The following DYRK4 variants were observed in gnomAD, a reference collection of about 807,000 sequenced individuals.
DYRK4 encodes dual specificity tyrosine-phosphorylation-regulated kinase 4.
In DYRK4, 64 loss-of-function variants were observed where a neutral mutation model predicts 68.3. The ratio of observed to expected loss-of-function variants is 0.94; its 90% CI spans 0.77 to 1.15. The LOEUF is 1.15. Among genes scored for constraint, DYRK4 ranks in the 50% most tolerant of loss-of-function variants. The pLI is 0.00. For missense variants in DYRK4, 740 were observed against 764.7 expected (o/e 0.97, Z 0.38); for synonymous variants, 274 against 289.9 (o/e 0.95, Z 0.56).
At chr12:4,582,871 G>A (rs1253106893) in intron 2 of DYRK4, among the ~76,000 whole-genome samples, 1 of 152,166 alleles carries the variant, frequency 6.6e-6, no homozygotes, top group Non-Finnish European at 1.5e-5. Context: ...TGTGAGCCAG[G>A]ACTTCTGCTC....
chr12:4,608,169 C>G (rs1423687325), intron 12 of DYRK4, among the ~76,000 whole-genome samples: 1 of 152,144 alleles, frequency 6.6e-6, no homozygotes, highest in Non-Finnish European at 1.5e-5. Context: ...AGCTAAGAGT[C>G]CCAGATAGAA....
At position 4,596,273 on chromosome 12, in the gene DYRK4, G is replaced by A; in HGVS notation, c.752G>A (p.Arg251Lys). 6.2e-7 allele frequency: 1 copy of A among 1,614,160 alleles called. No homozygotes were observed. The highest frequency in any genetic ancestry group is 8.5e-7 in the Non-Finnish European group (1 of 1,180,044). ...GAGCTGGTGGCCCTGAAAATCATCAGGAACAAGAAGAGGTGTGGCTTGGGG... is the reference window on the plus strand; with the variant it reads ...GAGCTGGTGGCCCTGAAAATCATCAAGAACAAGAAGAGGTGTGGCTTGGGG... ...NNELVALKII[R>K]NKKRFHQQAL... The change falls in exon 7 of 15, where the codon AGG becomes AAG. Residue 251 changes from arginine to lysine, a missense_variant. Arg to Lys is a conservative substitution (Grantham distance 26, BLOSUM62 2). Around this residue, in one of 3 missense-constraint regions of DYRK4, gnomAD observed 614 missense variants for 603.7 expected, o/e 1.02. Transcript: ENST00000543431.
At chr12:4,596,080 C>T (rs1591800902) in intron 6 of DYRK4, 69 bp from the exon 7 acceptor site, 2 of 1,549,850 alleles carry the variant, frequency 1.3e-6, no homozygotes, top group Admixed American at 1.8e-5. Flanking sequence ...ATGGGAATGC[C>T]AGGGCCATGT....
chr12:4,613,415 C>T lies in DYRK4; in HGVS notation c.1667-100C>T, dbSNP rs554197743. 117 of 1,430,658 alleles carry T rather than the reference C, an allele frequency of 8.2e-5. 2 individuals carry two copies. The South Asian group carries it at 1.5e-3, about 18-fold the overall frequency. 88.6% of individuals were successfully genotyped at this position (1,430,658 alleles called of 1,614,324 possible). On this transcript the variant is annotated intron_variant, in intron 14 of 14. Transcript: ENST00000543431. This position sits in a 1 kb window ranked among gnomAD's most constrained non-coding sequence, Gnocchi z 4.0. Reference sequence around the variant, plus strand: ...CAAATGAACTGTTTTTATATCATCACGGTCATCGTTTCCACTAAGTGATGT... The same window carrying T: ...CAAATGAACTGTTTTTATATCATCATGGTCATCGTTTCCACTAAGTGATGT...
At chr12:4,581,489 C>T (rs1161223072) in intron 2 of DYRK4, among the ~76,000 whole-genome samples, 1 of 152,208 alleles carries the variant, frequency 6.6e-6, no homozygotes, top group East Asian at 1.9e-4. Flanking sequence ...GGGGCATGAG[C>T]AGAGAAGATT....
intron 5 of DYRK4, 46 bp from the exon 6 acceptor site, chr12:4,592,956 C>T: frequency 6.3e-7 from 1 of 1,588,928 alleles, no homozygotes; most frequent in Non-Finnish European, 8.6e-7. Flanking sequence ...GGGGCAAATC[C>T]CATGCTGCCT....
At chr12:4,610,490 G>C (rs1441215440) in intron 13 of DYRK4, 1 of 452,662 alleles carries the variant, frequency 2.2e-6, no homozygotes, top group African/African-American at 2.0e-5. Context: ...CAGGGCAGAT[G>C]ATTTGCTCTG....
intron 2 of DYRK4, among the ~76,000 whole-genome samples, chr12:4,574,753 TG>T (rs1255219516): frequency 2.0e-5 from 3 of 152,196 alleles, no homozygotes; most frequent in Non-Finnish European, 2.9e-5. Flanking sequence ...AGTCTTGCTT[TG>T]TCACCCAGGT....
chr12:4,609,704 T>C (rs570572342), intron 12 of DYRK4, among the ~76,000 whole-genome samples: 1 of 152,182 alleles, frequency 6.6e-6, no homozygotes, highest in Non-Finnish European at 1.5e-5. Context: ...TCTTCTTTGG[T>C]CATTGGTAAA....
At chr12:4,569,619 T>G (rs1484123485) in intron 2 of DYRK4, among the ~76,000 whole-genome samples, 1 of 152,046 alleles carries the variant, frequency 6.6e-6, no homozygotes, top group Non-Finnish European at 1.5e-5. Flanking sequence ...CTTTTTCAAT[T>G]GTTATTTAAA....
At chr12:4,607,604 C>T (rs893250431) in intron 12 of DYRK4, among the ~76,000 whole-genome samples, 4 of 152,154 alleles carry the variant, frequency 2.6e-5, no homozygotes, top group African/African-American at 9.7e-5. Flanking sequence ...AGTAAAAATG[C>T]TCAGGAGGAG....
chr12:4,590,641 C>T, intron 4 of DYRK4: 1 of 1,167,866 alleles, frequency 8.6e-7, no homozygotes, highest in Non-Finnish European at 1.1e-6. Flanking sequence ...ACAAAATGGG[C>T]CCTCTCTAGA....
At chr12:4,585,765 C>T (rs1944890997) in intron 2 of DYRK4, among the ~76,000 whole-genome samples, 1 of 152,196 alleles carries the variant, frequency 6.6e-6, no homozygotes, top group Non-Finnish European at 1.5e-5. Flanking sequence ...TACCCTAAAA[C>T]TTAAAGTATA....
In DYRK4 at chr12:4,613,646, C is replaced by A. The variant is rs765058701; in HGVS notation, c.1798C>A (p.Pro600Thr). The A allele has an allele frequency of 6.2e-7, 1 of 1,613,704 alleles. No individual in the cohort carries two copies. Among genetic ancestry groups the A allele is most frequent in the African/African-American group, 1.3e-5 (1 of 74,928 alleles). ...TVQLPQLVDA[P>T]KKSEAAVGAE... ...TCAGCTGCCTCAACTGGTAGACGCT[C>A]CCAAGAAGTCAGAGGCAGCTGTCGG... Residue 600 changes from proline (P) to threonine (T), a missense_variant, in exon 15 of 15, where the codon CCC becomes ACC. Physicochemically the swap from Pro to Thr is conservative, Grantham distance 38 (BLOSUM62 -1). Around this residue, in one of 3 missense-constraint regions of DYRK4, gnomAD observed 614 missense variants for 603.7 expected, o/e 1.02. Transcript: ENST00000543431. The surrounding 1 kb of genome is among the most constrained non-coding windows in gnomAD (Gnocchi z 4.0).
intron 10 of DYRK4, chr12:4,602,119 T>C: frequency 1.8e-6 from 1 of 560,732 alleles, no homozygotes; most frequent in African/African-American, 1.9e-5. Flanking sequence ...TAGGCTGATA[T>C]CCAGACTCCC....
chr12:4,571,999 G>A (rs1168483382), intron 2 of DYRK4, among the ~76,000 whole-genome samples: 1 of 152,178 alleles, frequency 6.6e-6, no homozygotes, highest in African/African-American at 2.4e-5. Context: ...TCCTCTACAA[G>A]TATGTGCTGT....
intron 2 of DYRK4, among the ~76,000 whole-genome samples, chr12:4,584,745 C>T (rs772151684): frequency 2.6e-5 from 4 of 151,868 alleles, no homozygotes; most frequent in East Asian, 1.9e-4. Context: ...TTAGTAGAGA[C>T]GGGGTTTCAT....
rs1944956201 is a variant in DYRK4, at chr12:4,591,617, A to G, written c.463+319A>G. On this transcript the variant is annotated intron_variant, in intron 5 of 14. Coordinates refer to ENST00000543431, the MANE Select transcript of DYRK4 (RefSeq NM_001394779.1). The surrounding 1 kb of genome is among the most constrained non-coding windows in gnomAD (Gnocchi z 4.1). Reference sequence around the variant, plus strand: ...CTGTCATTTTATGGACCCAGGGGCCAGCGGGAAGGCACTGAGAGAGTGGAA... The same window carrying G: ...CTGTCATTTTATGGACCCAGGGGCCGGCGGGAAGGCACTGAGAGAGTGGAA... The G allele has an allele frequency of 3.4e-6, 1 of 296,130 alleles. No homozygotes were observed. Among genetic ancestry groups the G allele is most frequent in the Non-Finnish European group, 6.3e-6 (1 of 159,024 alleles). 18.3% of individuals were successfully genotyped at this position (296,130 alleles called of 1,614,324 possible).
intron 7 of DYRK4, 124 bp from the exon 8 acceptor site, chr12:4,596,464 TA>T: frequency 6.7e-7 from 1 of 1,494,870 alleles, no homozygotes; most frequent in Non-Finnish European, 8.9e-7. Context: ...GTGGTATTTT[TA>T]GTGCTTCCTG....
Sources: gnomAD v4.1 joint callset for allele counts (sites outside exome capture counted in the v4.1 genomes callset) on GRCh38, gnomAD v4.1.1 for gene constraint, gnomAD v4.1.1 regional missense constraint, Gnocchi (gnomAD v3.1) non-coding constraint, MANE v1.5 for transcripts, NCBI Gene and HGNC (gene_info 2026-07-23, HGNC 2026-07-21) for gene names.